TRPM1: variants seen among roughly 807,000 people sequenced by gnomAD.
The protein encoded by TRPM1 is transient receptor potential cation channel subfamily M member 1.
TRPM1 carries 113 observed loss-of-function variants against 149.4 expected under a neutral mutation model. The ratio of observed to expected loss-of-function variants is 0.76; its 90% CI spans 0.65 to 0.88. The LOEUF is 0.88. TRPM1 is among the 40% of genes least tolerant of loss of function. The pLI, the probability that TRPM1 is intolerant of heterozygous loss-of-function variation, is 0.00. For synonymous variants in TRPM1, 741 were observed against 759.5 expected, an observed-to-expected ratio of 0.98 and a Z score of 0.40; for missense variants, 1,976 against 2,038.7, an observed-to-expected ratio of 0.97 and a Z score of 0.59.
At chr15:31,060,698 G>T in intron 10 of TRPM1, 54 bp from the exon 11 acceptor site, 1 of 1,457,704 alleles carries the variant, frequency 6.9e-7, no homozygotes, top group Non-Finnish European at 9.6e-7. Flanking sequence ...GACCGCCAGG[G>T]TTTGGCAGGT....
intron 1 of TRPM1, among the ~76,000 whole-genome samples, chr15:31,122,515 T>A (rs770906628): frequency 9.9e-5 from 15 of 152,208 alleles, no homozygotes; most frequent in Non-Finnish European, 1.8e-4. Flanking sequence ...TAGATTTAAG[T>A]CAGTTGTTTT....
intron 1 of TRPM1, among the ~76,000 whole-genome samples, chr15:31,086,989 C>T (rs60638108): frequency 1.3e-5 from 2 of 152,176 alleles, no homozygotes; most frequent in East Asian, 3.9e-4. Context: ...CATCACTCAT[C>T]TTAACTAGGG....
At chr15:31,079,735 G>A (rs2034807628) in intron 2 of TRPM1, among the ~76,000 whole-genome samples, 1 of 152,224 alleles carries the variant, frequency 6.6e-6, no homozygotes, top group South Asian at 2.1e-4. Context: ...ATGCCTGTAT[G>A]CTTACACACT....
rs751023959 is a variant in TRPM1, at chr15:31,049,455, AG to A, written c.1491del (p.Phe498LeufsTer2). 6.2e-7 allele frequency: 1 copy of A among 1,614,058 alleles called. No individual in the cohort carries two copies. The highest frequency in any genetic ancestry group is 1.1e-5 in the South Asian group (1 of 91,090). On this transcript the variant is annotated frameshift_variant, in exon 13 of 28. Transcript: ENST00000256552. LOFTEE classifies it high-confidence loss of function. ...MLDALVLDRV[D>X]FVKLLIENGV... Reference sequence around the variant, plus strand: ...CCGTTTTCAATCAGGAGCTTCACAAAGTCGACACGATCTAAGACTAAAGCAT... The same window carrying A: ...CCGTTTTCAATCAGGAGCTTCACAAATCGACACGATCTAAGACTAAAGCAT...
At chr15:31,067,246 A>G in intron 5 of TRPM1, 59 bp from the exon 6 acceptor site, 1 of 1,613,870 alleles carries the variant, frequency 6.2e-7, no homozygotes, top group East Asian at 2.2e-5. Context: ...ACCATCATTC[A>G]TGAAATTTAG....
chr15:31,065,332 C>T (rs902067373), intron 7 of TRPM1, among the ~76,000 whole-genome samples: 2 of 152,106 alleles, frequency 1.3e-5, no homozygotes, highest in Non-Finnish European at 2.9e-5. Context: ...AATGACCATT[C>T]GCCAGGACTA....
chr15:31,038,142 G>C lies in TRPM1; in HGVS notation c.2341C>G (p.Pro781Ala), dbSNP rs367984298. The C allele has an allele frequency of 3.1e-6, 5 of 1,613,902 alleles. No homozygotes were observed. In the Admixed American group the frequency reaches 5.0e-5, roughly 16 times the overall value. Reference sequence around the variant, plus strand: ...CGAAATTCCAAAAACAAGATGGTGGGGGGTAGAAGAATCCCCATGATAACC... The same window carrying C: ...CGAAATTCCAAAAACAAGATGGTGGCGGGTAGAAGAATCCCCATGATAACC... The part of the protein sequence containing the change: ...LKVIMGILLP[P>A]TILFLEFRTY... The change falls in exon 19 of 28, where the codon CCC becomes GCC. Residue 781 changes from proline to alanine, a missense_variant. By Grantham distance (27) the Pro-to-Ala change is conservative. Around this residue, in one of 3 missense-constraint regions of TRPM1, gnomAD observed 1,332 missense variants for 1,347.1 expected, o/e 0.99. Coordinates refer to ENST00000256552, the MANE Select transcript of TRPM1 (RefSeq NM_001252024.2).
intron 1 of TRPM1, among the ~76,000 whole-genome samples, chr15:31,114,925 G>A (rs1389161339): frequency 6.6e-6 from 1 of 152,234 alleles, no homozygotes; most frequent in Non-Finnish European, 1.5e-5. Flanking sequence ...GATACCAATT[G>A]TATAACAGAA....
At chr15:31,106,245 T>G (rs2035604676), upstream of TRPM1, among the ~76,000 whole-genome samples, 1 of 151,972 alleles carries the variant, frequency 6.6e-6, no homozygotes, top group South Asian at 2.1e-4. Flanking sequence ...TTCAAGGGAT[T>G]CTCCTGCCTT....
chr15:31,119,157 C>T (rs1008278114), intron 1 of TRPM1, among the ~76,000 whole-genome samples: 4 of 152,194 alleles, frequency 2.6e-5, no homozygotes, highest in Non-Finnish European at 5.9e-5. Flanking sequence ...AGGAGAATTG[C>T]TTGAACCCAG....
intron 2 of TRPM1, among the ~76,000 whole-genome samples, chr15:31,078,602 G>C (rs2034774799): frequency 6.6e-6 from 1 of 152,214 alleles, no homozygotes; most frequent in African/African-American, 2.4e-5. Flanking sequence ...TGCAAGGGAG[G>C]CAGGCAGTGT....
chr15:31,052,717 G>A (rs2033979272), intron 11 of TRPM1, among the ~76,000 whole-genome samples: 1 of 152,222 alleles, frequency 6.6e-6, no homozygotes, highest in Admixed American at 6.5e-5. Flanking sequence ...AGAGGTTGCA[G>A]TGAGCTGAGA....
chr15:31,069,857 C>A (rs948006743), intron 4 of TRPM1, 174 bp downstream of exon 4: 10 of 1,570,174 alleles, frequency 6.4e-6, no homozygotes, highest in African/African-American at 2.7e-5. Flanking sequence ...AGTTTCCAAG[C>A]CTCATGGCTA....
chr15:31,046,943 G>A (rs2033782133), intron 15 of TRPM1, among the ~76,000 whole-genome samples, 168 bp downstream of exon 15: 1 of 152,246 alleles, frequency 6.6e-6, no homozygotes, highest in African/African-American at 2.4e-5. Flanking sequence ...GCTCAGGGGA[G>A]CTGGAGAATG....
intron 4 of TRPM1, chr15:31,069,321 C>T (rs2034466757): frequency 1.4e-6 from 1 of 729,938 alleles, no homozygotes; most frequent in Non-Finnish European, 1.7e-6. Flanking sequence ...GCCTTGTCTC[C>T]TATAAACTGC....
chr15:31,031,705 C>G (rs1174011230), intron 22 of TRPM1, among the ~76,000 whole-genome samples: 1 of 152,218 alleles, frequency 6.6e-6, no homozygotes, highest in African/African-American at 2.4e-5. Flanking sequence ...TAGCTCAAAA[C>G]CACTTGCCCT....
At chr15:31,066,337 A>G in intron 6 of TRPM1, 90 bp from the exon 7 acceptor site, 1 of 1,425,426 alleles carries the variant, frequency 7.0e-7, no homozygotes, top group Non-Finnish European at 9.8e-7. Context: ...GTGTGGAGTG[A>G]CTGCACTAAA....
chr15:31,089,059 T>C (rs1398478293), intron 1 of TRPM1, among the ~76,000 whole-genome samples: 1 of 152,176 alleles, frequency 6.6e-6, no homozygotes, highest in Non-Finnish European at 1.5e-5. Context: ...GTAATTAGGA[T>C]AAGTAACATT....
chr15:31,153,256 G>T (rs2141063849), intron 1 of TRPM1, among the ~76,000 whole-genome samples: 1 of 152,226 alleles, frequency 6.6e-6, no homozygotes, highest in South Asian at 2.1e-4. Flanking sequence ...CCACCTGGAG[G>T]CTTCATCTGC....
Sources: gnomAD v4.1 joint callset for allele counts (sites outside exome capture counted in the v4.1 genomes callset) on GRCh38, gnomAD v4.1.1 for gene constraint, gnomAD v4.1.1 regional missense constraint, MANE v1.5 for transcripts, NCBI Gene and HGNC (gene_info 2026-07-23, HGNC 2026-07-21) for gene names.